KLF12: variants seen among roughly 807,000 people sequenced by gnomAD.
The protein encoded by KLF12 is Krueppel-like factor 12.
Under a neutral mutation model 37.8 loss-of-function variants are expected in KLF12, and 9 were observed. The observed-to-expected ratio is 0.24, with a 90% CI of 0.14 to 0.42. The LOEUF (loss-of-function observed/expected upper bound fraction) is 0.42. KLF12 is among the 10% of genes least tolerant of loss of function. KLF12 has a pLI of 1.00. For synonymous variants in KLF12, 208 were observed against 202.1 expected, an observed-to-expected ratio of 1.03 and a Z score of -0.25; for missense variants, 411 against 516.0, an observed-to-expected ratio of 0.80 and a Z score of 1.97.
rs560844020 is a variant in KLF12, at chr13:73,805,618, G to A, written c.806+7534C>T. 4.1e-3 allele frequency among the ~76,000 whole-genome samples: 172 copies of A among 42,008 alleles called. 2 individuals carry two copies. The highest frequency in any genetic ancestry group is 0.016 in the African/African-American group (161 of 10,386). The allele number at this position is 42,008 out of a possible 152,430, so 27.6% of individuals were successfully genotyped here. Reference sequence around the variant, plus strand: ...GAGGCACTGTCAGAAGGAAGGGAGGGAGGGAGGGAGGGAGGGAGGGAGGGA... The same window carrying A: ...GAGGCACTGTCAGAAGGAAGGGAGGAAGGGAGGGAGGGAGGGAGGGAGGGA... On this transcript the variant is annotated intron_variant, in intron 5 of 7. Coordinates refer to ENST00000377669, the MANE Select transcript of KLF12 (RefSeq NM_007249.5).
intron 1 of KLF12, among the ~76,000 whole-genome samples, chr13:74,065,926 T>C (rs571030396): frequency 6.6e-6 from 1 of 152,024 alleles, no homozygotes; most frequent in Admixed American, 6.5e-5. Context: ...TAGACAGAGA[T>C]GGAGAAGACT....
intron 2 of KLF12, among the ~76,000 whole-genome samples, chr13:73,984,736 C>G (rs1367984352): frequency 6.6e-6 from 1 of 152,172 alleles, no homozygotes; most frequent in Non-Finnish European, 1.5e-5. Context: ...CTTTTCACAC[C>G]CCAACTGATA....
At chr13:74,015,171 C>A (rs771981593) in intron 1 of KLF12, among the ~76,000 whole-genome samples, 1 of 152,088 alleles carries the variant, frequency 6.6e-6, no homozygotes, top group Non-Finnish European at 1.5e-5. Flanking sequence ...TAGTATCCTG[C>A]AACTCTTACT....
intron 3 of KLF12, among the ~76,000 whole-genome samples, chr13:73,851,122 G>A (rs1232619900): frequency 6.6e-6 from 1 of 152,166 alleles, no homozygotes; most frequent in African/African-American, 2.4e-5. Context: ...GGCATTAAGT[G>A]CTTTTTAAGT....
chr13:73,960,932 C>T (rs1353700227), intron 2 of KLF12, among the ~76,000 whole-genome samples: 1 of 151,928 alleles, frequency 6.6e-6, no homozygotes, highest in African/African-American at 2.4e-5. Context: ...TGGCCAAATA[C>T]TTTAATTTTA....
chr13:74,166,697 T>G, the KLF12 span, among the ~76,000 whole-genome samples: 2 of 152,224 alleles, frequency 1.3e-5, no homozygotes, highest in Admixed American at 6.5e-5. Flanking sequence ...CCCCTACTTT[T>G]CTTTGTCTAC....
At chr13:73,740,672 T>TTC in intron 6 of KLF12, among the ~76,000 whole-genome samples, 1 of 152,328 alleles carries the variant, frequency 6.6e-6, no homozygotes, top group Non-Finnish European at 1.5e-5. Context: ...ATTCTTGATT[T>TTC]ATTTTTTCAA....
intron 3 of KLF12, among the ~76,000 whole-genome samples, chr13:73,891,905 A>C (rs1887523862): frequency 6.6e-6 from 1 of 152,128 alleles, no homozygotes; most frequent in African/African-American, 2.4e-5. Context: ...TCCGAACAAA[A>C]AGTAACATTG....
chr13:73,982,934 A>T (rs937785052), intron 2 of KLF12, among the ~76,000 whole-genome samples: 7 of 151,638 alleles, frequency 4.6e-5, no homozygotes, highest in Non-Finnish European at 8.8e-5. Context: ...ACATATAATC[A>T]TACTCTTTAA....
chr13:73,908,256 C>G (rs1464283094), intron 3 of KLF12, among the ~76,000 whole-genome samples: 2 of 151,290 alleles, frequency 1.3e-5, no homozygotes, highest in Non-Finnish European at 2.9e-5. Flanking sequence ...CAAAAATTAG[C>G]TGGGCATGGT....
At chr13:73,747,143 T>C (rs887000291) in intron 6 of KLF12, among the ~76,000 whole-genome samples, 2 of 152,076 alleles carry the variant, frequency 1.3e-5, no homozygotes, top group Non-Finnish European at 2.9e-5. Context: ...CTTCAAATAT[T>C]TACTGAGTGT....
At chr13:73,843,592 T>C (rs1439384155) in intron 4 of KLF12, among the ~76,000 whole-genome samples, 1 of 152,068 alleles carries the variant, frequency 6.6e-6, no homozygotes, top group African/African-American at 2.4e-5. Flanking sequence ...CAGGCATGAG[T>C]CATCACACCT....
At position 73,763,116 on chromosome 13, in the gene KLF12, T is replaced by C. The variant is rs1566350638; in HGVS notation, c.869+1822A>G. Among the ~76,000 whole-genome samples the C allele has an allele frequency of 2.6e-5, 4 of 152,328 alleles. No individual in the cohort carries two copies. The South Asian group carries it at 8.3e-4, about 32-fold the overall frequency. On this transcript the variant is annotated intron_variant, in intron 6 of 7. Transcript: ENST00000377669. The stretch of plus-strand genomic sequence containing the variant: ...AAAGCTTTCTTCTTTGGGATGGATT[T>C]TCTGACAGCCTTGTTCCTTCCTTTA...
At chr13:74,295,365 A>G in the KLF12 span, among the ~76,000 whole-genome samples, 1 of 152,074 alleles carries the variant, frequency 6.6e-6, no homozygotes, top group Non-Finnish European at 1.5e-5. Flanking sequence ...TCCTTTCCCA[A>G]TATATCTGTG....
At chr13:74,053,462 C>T (rs949276515) in intron 1 of KLF12, among the ~76,000 whole-genome samples, 6 of 152,136 alleles carry the variant, frequency 3.9e-5, no homozygotes, top group Admixed American at 6.5e-5. Flanking sequence ...ATTTAATGCT[C>T]TTAACAACCT....
chr13:74,013,887 C>T (rs566375101), intron 1 of KLF12, among the ~76,000 whole-genome samples: 1 of 151,608 alleles, frequency 6.6e-6, no homozygotes, highest in East Asian at 1.9e-4. Flanking sequence ...TCTATGTTGC[C>T]CAGGCTAGTC....
intron 5 of KLF12, among the ~76,000 whole-genome samples, chr13:73,779,076 G>A (rs1432744916): frequency 6.6e-6 from 1 of 152,152 alleles, no homozygotes; most frequent in Admixed American, 6.5e-5. Flanking sequence ...GTCTGCCTAT[G>A]TGTTGTATAA....
chr13:74,147,085 G>A, the KLF12 span, among the ~76,000 whole-genome samples: 1 of 152,192 alleles, frequency 6.6e-6, no homozygotes, highest in African/African-American at 2.4e-5. Flanking sequence ...GCCATTGAAG[G>A]CTTTTTATAC....
intron 1 of KLF12, among the ~76,000 whole-genome samples, chr13:74,093,621 G>A (rs1232960409): frequency 6.6e-6 from 1 of 151,758 alleles, no homozygotes; most frequent in Non-Finnish European, 1.5e-5. Context: ...AATTTTTAAG[G>A]AACATTCCAG....
Sources: allele counts gnomAD v4.1 joint callset (sites outside exome capture counted in the v4.1 genomes callset), GRCh38; gene constraint gnomAD v4.1.1; transcripts MANE v1.5; gene names NCBI Gene and HGNC (gene_info 2026-07-23, HGNC 2026-07-21).